PEAK1: variants seen among roughly 807,000 people sequenced by gnomAD.
PEAK1 encodes the protein inactive tyrosine-protein kinase PEAK1.
PEAK1 carries 54 observed loss-of-function variants against 124.7 expected under a neutral mutation model. The ratio of observed to expected loss-of-function variants is 0.43; its 90% CI spans 0.35 to 0.54. The LOEUF is 0.54. Among genes scored for constraint, PEAK1 ranks in the 20% least tolerant of loss-of-function variants. PEAK1 has a pLI of 0.01. For synonymous variants in PEAK1, 719 were observed against 760.0 expected (o/e 0.95, Z 0.89); for missense variants, 2,046 against 2,134.5 (o/e 0.96, Z 0.82).
chr15:77,201,891 A>ACAGAAG (rs1163695844), intron 6 of PEAK1, among the ~76,000 whole-genome samples: 1 of 152,202 alleles, frequency 6.6e-6, no homozygotes, highest in African/African-American at 2.4e-5. Context: ...TATCTTAAAG[A>ACAGAAG]CAGAAGCAGA....
intron 6 of PEAK1, among the ~76,000 whole-genome samples, chr15:77,223,873 C>T (rs2059503842): frequency 1.3e-5 from 2 of 149,310 alleles, no homozygotes; most frequent in Admixed American, 6.8e-5. Context: ...AAACCAATAG[C>T]CTCATTTGAG....
chr15:77,119,152 C>T (rs905000459), intron 9 of PEAK1, among the ~76,000 whole-genome samples: 10 of 152,154 alleles, frequency 6.6e-5, no homozygotes, highest in Admixed American at 5.9e-4. Context: ...CAAGGGAACT[C>T]CTCGTGTGAA....
chr15:77,390,820 G>A (rs1247942327), intron 1 of PEAK1, among the ~76,000 whole-genome samples: 1 of 152,134 alleles, frequency 6.6e-6, no homozygotes, highest in Non-Finnish European at 1.5e-5. Context: ...TTTCAACAAG[G>A]TGGTCTGGTT....
Position 77,113,781 on chromosome 15 carries a change from A to C in PEAK1, c.*375T>G. The C allele has an allele frequency of 4.4e-6, 1 of 228,496 alleles. No homozygotes were observed. The highest frequency in any genetic ancestry group is 8.0e-5 in the South Asian group (1 of 12,544). 14.2% of individuals were successfully genotyped at this position (228,496 alleles called of 1,614,324 possible). On this transcript the variant is annotated 3_prime_UTR_variant, in exon 10 of 10. Coordinates refer to ENST00000682557, the MANE Select transcript of PEAK1 (RefSeq NM_001385026.1). ...GTGAGAATAAATACTTGGTGCTAAA[A>C]AGATAGGTGATATCCAGAATTATGG... is the stretch of plus-strand genomic sequence containing the variant.
At chr15:77,296,595 CAG>C (rs1431795990) in intron 2 of PEAK1, among the ~76,000 whole-genome samples, 1 of 150,336 alleles carries the variant, frequency 6.7e-6, no homozygotes, top group Admixed American at 6.6e-5. Context: ...GCCTGGGCGA[CAG>C]AGTGAGACTC....
Position 77,349,522 on chromosome 15 carries a change from G to A in PEAK1, c.-603+15641C>T, listed in dbSNP as rs535830786. 2.8e-4 allele frequency: 278 copies of A among 984,908 alleles called. No homozygotes were observed. In the African/African-American group the frequency reaches 4.6e-3, roughly 16 times the overall value. 61.0% of individuals were successfully genotyped at this position (984,908 alleles called of 1,614,324 possible). On this transcript the variant is annotated intron_variant, in intron 2 of 9. Coordinates refer to ENST00000682557, the MANE Select transcript of PEAK1 (RefSeq NM_001385026.1). ...ATATTGGCTTAATATAATGTAGCAA[G>A]ACTTACTTTTATTCTGTTTGTTCAT...
intron 2 of PEAK1, among the ~76,000 whole-genome samples, chr15:77,361,772 C>G (rs1329291768): frequency 6.6e-6 from 1 of 152,082 alleles, no homozygotes; most frequent in Admixed American, 6.6e-5. Flanking sequence ...GACATTTGCA[C>G]CTCCGTGTTT....
At chr15:77,294,004 A>G (rs574146706) in intron 2 of PEAK1, among the ~76,000 whole-genome samples, 1 of 152,324 alleles carries the variant, frequency 6.6e-6, no homozygotes, top group Non-Finnish European at 1.5e-5. Context: ...TGTTTGCTTT[A>G]GATATAAGCA....
Position 77,114,924 on chromosome 15 carries a change from C to A in PEAK1, c.4473G>T (p.Arg1491Ser). The A allele has an allele frequency of 6.2e-7, 1 of 1,614,016 alleles. No individual in the cohort carries two copies. The highest frequency in any genetic ancestry group is 8.5e-7 in the Non-Finnish European group (1 of 1,180,028). ...QHGKSPDLYE[R>S]QVCLLLLQLC... ...GCTGTAAGAGCAGCAGACACACCTG[C>A]CTCTCATACAAATCAGGGCTTTTCC... The change falls in exon 10 of 10, where the codon AGG (arginine) becomes AGT (serine). Residue 1491 changes from arginine (R) to serine (S), a missense_variant. Physicochemically the swap from Arg to Ser is moderately radical, Grantham distance 110 (BLOSUM62 -1). Transcript: ENST00000682557.
chr15:77,273,245 A>T (rs1400793544), intron 5 of PEAK1, among the ~76,000 whole-genome samples: 1 of 152,154 alleles, frequency 6.6e-6, no homozygotes, highest in East Asian at 1.9e-4. Flanking sequence ...TATTCAACAT[A>T]GTACTGGAAG....
chr15:77,179,284 A>G lies in PEAK1; in HGVS notation c.2643T>C (p.His881=), dbSNP rs755822030. 6.2e-7 allele frequency: 1 copy of G among 1,614,112 alleles called. No individual in the cohort carries two copies. Among genetic ancestry groups the G allele is most frequent in the South Asian group, 1.1e-5 (1 of 91,082 alleles). The part of the protein sequence containing the change: ...PPPRSTSSPY[H]AGNLLQRHFT... Reference sequence around the variant, plus strand: ...AATGCCTCTGCAAAAGGTTACCTGCATGGTAAGGAGAAGAAGTAGAGCGTG... The same window carrying G: ...AATGCCTCTGCAAAAGGTTACCTGCGTGGTAAGGAGAAGAAGTAGAGCGTG... Residue 881 remains histidine, a synonymous_variant, in exon 7 of 10, where the codon CAT becomes CAC. Transcript: ENST00000682557.
At chr15:77,417,760 A>T in intron 1 of PEAK1, 2 of 985,468 alleles carry the variant, frequency 2.0e-6, no homozygotes, top group Non-Finnish European at 2.4e-6. Context: ...CTCTCTCATG[A>T]AGCAAATGCT....
At chr15:77,101,410 G>A (rs986968337) in exon 7 of PEAK1, 2 of 152,168 alleles carry the variant, frequency 1.3e-5, no homozygotes, top group African/African-American at 4.8e-5. Context: ...AAAATCCCCC[G>A]ATGAGTCCTT....
chr15:77,225,682 A>ATATATATATATG (rs2059609823), intron 6 of PEAK1, among the ~76,000 whole-genome samples: 1 of 139,142 alleles, frequency 7.2e-6, no homozygotes, highest in Non-Finnish European at 1.6e-5. Flanking sequence ...ATATATATAT[A>ATATATATATATG]TATATATATA....
rs189542640 is a variant in PEAK1 at position 77,282,290 on chromosome 15, T to C, written c.-275+1593A>G. ...GAACTTATCTCATTTTTAGAAAATA[T>C]CCTGGCACAGAAAGCAGACTACATA... On this transcript the variant is annotated intron_variant, in intron 5 of 9. Coordinates refer to ENST00000682557, the MANE Select transcript of PEAK1 (RefSeq NM_001385026.1). Among the ~76,000 whole-genome samples, 452 of 151,992 alleles carry C rather than the reference T, an allele frequency of 3.0e-3. 1 individual carries two copies. The highest frequency in any genetic ancestry group is 5.4e-3 in the Non-Finnish European group (366 of 67,810).
chr15:77,348,001 G>C (rs1362667611), intron 2 of PEAK1: 3 of 985,088 alleles, frequency 3.0e-6, no homozygotes, highest in Non-Finnish European at 3.6e-6. Context: ...TTTTGTAATA[G>C]TGCTATAATG....
At chr15:77,302,869 C>G (rs939948916) in intron 2 of PEAK1, among the ~76,000 whole-genome samples, 1 of 152,176 alleles carries the variant, frequency 6.6e-6, no homozygotes, top group South Asian at 2.1e-4. Flanking sequence ...TTCATCATCA[C>G]AGTATCATAC....
chr15:77,230,617 G>A (rs1305675865), intron 6 of PEAK1, among the ~76,000 whole-genome samples: 1 of 152,144 alleles, frequency 6.6e-6, no homozygotes, highest in Non-Finnish European at 1.5e-5. Flanking sequence ...CAAGAAGTGA[G>A]CTGGGCACAG....
intron 8 of PEAK1, among the ~76,000 whole-genome samples, chr15:77,151,844 G>A (rs895166269): frequency 1.1e-4 from 17 of 152,098 alleles, no homozygotes; most frequent in Admixed American, 7.9e-4. Context: ...TATTTCTGAG[G>A]GCTCTGTTCT....
Sources: gnomAD v4.1 joint callset for allele counts (sites outside exome capture counted in the v4.1 genomes callset) on GRCh38, gnomAD v4.1.1 for gene constraint, MANE v1.5 for transcripts, NCBI Gene and HGNC (gene_info 2026-07-23, HGNC 2026-07-21) for gene names.